GMFB: variants seen among roughly 807,000 people sequenced by gnomAD.
GMFB encodes the protein GMF-beta.
Under a neutral mutation model 25.6 loss-of-function variants are expected in GMFB, and 13 were observed. The observed-to-expected ratio is 0.51, with a 90% CI of 0.33 to 0.81. GMFB has a LOEUF of 0.81. Ranked by LOEUF, GMFB falls within the 30% of genes least tolerant of loss-of-function variation. The probability of loss-of-function intolerance (pLI) is 0.02; values close to 1 mark genes in which losing one functional copy is unlikely to be tolerated. For synonymous variants in GMFB, 57 were observed against 56.9 expected (o/e 1.00, Z 0.00); for missense variants, 146 against 175.4 (o/e 0.83, Z 0.95).
At chr14:54,482,037 G>A in intron 3 of GMFB, 116 bp downstream of exon 3, 1 of 676,036 alleles carries the variant, frequency 1.5e-6, no homozygotes, top group South Asian at 1.8e-5. Context: ...TGCATAATGA[G>A]CATGTATTTA....
intron 1 of GMFB, among the ~76,000 whole-genome samples, chr14:54,485,748 T>C (rs1435383724): frequency 3.3e-5 from 5 of 152,102 alleles, no homozygotes; most frequent in Non-Finnish European, 7.4e-5. Context: ...TACTTCAAAA[T>C]ATACTACAAA....
intron 1 of GMFB, among the ~76,000 whole-genome samples, chr14:54,487,759 A>C (rs2031807654): frequency 6.6e-6 from 1 of 152,222 alleles, no homozygotes; most frequent in Non-Finnish European, 1.5e-5. Flanking sequence ...CTCAGAAGCA[A>C]GGTCTTCTGA....
chr14:54,482,557 C>T lies in GMFB; in HGVS notation c.101-355G>A, dbSNP rs114258694. On this transcript the variant is annotated intron_variant, in intron 2 of 6. Coordinates refer to ENST00000358056, the MANE Select transcript of GMFB (RefSeq NM_004124.3). ...CTGTAACTGATTGGTCTATATGCAA[C>T]ATGGTCAGAACTGCAAGGGAAAAAG... Among the ~76,000 whole-genome samples, 279 of 152,262 alleles carry T rather than the reference C, an allele frequency of 1.8e-3. 1 individual carries two copies. The highest frequency in any genetic ancestry group is 6.5e-3 in the African/African-American group (270 of 41,548).
At chr14:54,486,363 G>C (rs1335937556) in intron 1 of GMFB, among the ~76,000 whole-genome samples, 1 of 152,166 alleles carries the variant, frequency 6.6e-6, no homozygotes, top group East Asian at 1.9e-4. Flanking sequence ...ACAACCACTA[G>C]AAGAAAACAC....
At chr14:54,488,644 G>T in intron 1 of GMFB, 1 of 412,206 alleles carries the variant, frequency 2.4e-6, no homozygotes. Context: ...GAAGGACCTG[G>T]CGTGGGGCCT....
rs367921399 is a variant in GMFB at position 54,481,411 on chromosome 14, A to G, written c.198T>C (p.Pro66=). ...TTAAAGCACTAAGAAAAGGATATCG[A>G]GGTTGTCGTTCAGGTAGTTCATCTT... ...ELKDELPERQ[P]RFIVYSYKYQ... The change falls in exon 4 of 7, where the codon CCT becomes CCC. Residue 66 remains proline, a splice_region_variant and synonymous_variant. Coordinates refer to ENST00000358056, the MANE Select transcript of GMFB (RefSeq NM_004124.3). The G allele has an allele frequency of 1.3e-6, 2 of 1,596,788 alleles. No individual in the cohort carries two copies. The highest frequency in any genetic ancestry group is 1.7e-6 in the Non-Finnish European group (2 of 1,164,674).
chr14:54,481,256 T>A, intron 4 of GMFB, 153 bp downstream of exon 4: 2 of 604,926 alleles, frequency 3.3e-6, no homozygotes, highest in South Asian at 4.4e-5. Flanking sequence ...TAAACCAACT[T>A]TTCATTTTTC....
chr14:54,487,851 G>A lies in GMFB; in HGVS notation c.3+1074C>T, dbSNP rs376724334. 3.9e-5 allele frequency among the ~76,000 whole-genome samples: 6 copies of A among 152,308 alleles called. No individual in the cohort carries two copies. The East Asian group carries it at 9.6e-4, about 24-fold the overall frequency. Reference sequence around the variant, plus strand: ...TGAAGAATACAGAATGGAAAATGAAGGATTAGGATGAAACCTGGGACTCCT... The same window carrying A: ...TGAAGAATACAGAATGGAAAATGAAAGATTAGGATGAAACCTGGGACTCCT... On this transcript the variant is annotated intron_variant, in intron 1 of 6. Transcript: ENST00000358056.
In GMFB at chr14:54,481,470, G is replaced by A. The variant is rs2031710409; in HGVS notation, c.151-12C>T. On this transcript the variant is annotated splice_polypyrimidine_tract_variant and intron_variant, in intron 3 of 6. Transcript: ENST00000358056. ...TCTGGTGAAATGCCCTGGCACCACA[G>A]AGAAAAGCAACTTTTAAACATTTTC... 6.3e-7 allele frequency: 1 copy of A among 1,597,748 alleles called. No homozygotes were observed. Among genetic ancestry groups the A allele is most frequent in the Admixed American group, 1.7e-5 (1 of 59,922 alleles).
rs527576298 is a variant in GMFB at position 54,475,977 on chromosome 14, G to A, written c.*2111C>T. On this transcript the variant is annotated 3_prime_UTR_variant, in exon 7 of 7. Coordinates refer to ENST00000358056, the MANE Select transcript of GMFB (RefSeq NM_004124.3). ...CAATGCAAAATTTAGTAAGATGAAA[G>A]GGAAATCTATATAAATGTTTGAGAA... 6.6e-6 allele frequency: 1 copy of A among 152,126 alleles called. No individual in the cohort carries two copies. Among genetic ancestry groups the A allele is most frequent in the East Asian group, 1.9e-4 (1 of 5,182 alleles). The allele number at this position is 152,126 out of a possible 1,614,324, so 9.4% of individuals were successfully genotyped here. A position where few individuals can be genotyped will look rare whatever the true frequency, so the allele number is the denominator to read the frequency against.
rs994727062 is a variant in GMFB at position 54,474,942 on chromosome 14, A to G, written c.*3146T>C. 3 of 152,606 alleles carry G rather than the reference A, an allele frequency of 2.0e-5. No homozygotes were observed. Among genetic ancestry groups the G allele is most frequent in the East Asian group, 1.9e-4 (1 of 5,202 alleles). The allele number at this position is 152,606 out of a possible 1,614,324, so 9.5% of individuals were successfully genotyped here. A position where few individuals can be genotyped will look rare whatever the true frequency, so the allele number is the denominator to read the frequency against. On this transcript the variant is annotated 3_prime_UTR_variant, in exon 7 of 7. Coordinates refer to ENST00000358056, the MANE Select transcript of GMFB (RefSeq NM_004124.3). ...AAGATTACTACATTCTTCCAGAAAT[A>G]CAAAATAAGATTTGTCCAGAAATGT...
rs2031615565 is a variant in GMFB, at chr14:54,474,866, C to A, written c.*3222G>T. 1 of 152,534 alleles carries A rather than the reference C, an allele frequency of 6.6e-6. No individual in the cohort carries two copies. Among genetic ancestry groups the A allele is most frequent in the African/African-American group, 2.4e-5 (1 of 41,436 alleles). The allele number at this position is 152,534 out of a possible 1,614,324, so 9.4% of individuals were successfully genotyped here. On this transcript the variant is annotated 3_prime_UTR_variant, in exon 7 of 7. Coordinates refer to ENST00000358056, the MANE Select transcript of GMFB (RefSeq NM_004124.3). Reference sequence around the variant, plus strand: ...GAAATGTCAAATGGCATAATAAAAACAAATTTCTCAAGAATATTCAGCTTG... The same window carrying A: ...GAAATGTCAAATGGCATAATAAAAAAAAATTTCTCAAGAATATTCAGCTTG...
At chr14:54,484,729 C>CA (rs1039231266) in intron 1 of GMFB, among the ~76,000 whole-genome samples, 20 of 150,548 alleles carry the variant, frequency 1.3e-4, no homozygotes, top group Admixed American at 3.3e-4. Context: ...TATACAACAA[C>CA]AAAAAAAAAC....
intron 2 of GMFB, among the ~76,000 whole-genome samples, chr14:54,482,741 A>G (rs1175312107): frequency 6.6e-6 from 1 of 152,210 alleles, no homozygotes; most frequent in Non-Finnish European, 1.5e-5. Context: ...CTAAATCAAA[A>G]TAAGTTTAGA....
rs2031682123 is a variant in GMFB, at chr14:54,479,475, C to T, written c.357+311G>A. ...GGTTCAGAGAAACTTCAATGCTGAC[C>T]CTTATCTATTAGAAATTACCTTATG... On this transcript the variant is annotated intron_variant, in intron 6 of 6. Transcript: ENST00000358056. 5 of 244,038 alleles carry T rather than the reference C, an allele frequency of 2.0e-5. No individual in the cohort carries two copies. In the South Asian group the frequency reaches 3.4e-4, roughly 16 times the overall value. The allele number at this position is 244,038 out of a possible 1,614,324, so 15.1% of individuals were successfully genotyped here. A position where few individuals can be genotyped will look rare whatever the true frequency, so the allele number is the denominator to read the frequency against.
chr14:54,475,779 G>T lies in GMFB; in HGVS notation c.*2309C>A, dbSNP rs1033364312. The stretch of plus-strand genomic sequence containing the variant: ...TAACACTGACTTAGAAGACCACGAA[G>T]GAGGATCCCAGGAAAAAAGTTGCTG... On this transcript the variant is annotated 3_prime_UTR_variant, in exon 7 of 7. Transcript: ENST00000358056. 1 of 152,468 alleles carries T rather than the reference G, an allele frequency of 6.6e-6. No homozygotes were observed. The highest frequency in any genetic ancestry group is 1.5e-5 in the Non-Finnish European group (1 of 67,950). 9.4% of individuals were successfully genotyped at this position (152,468 alleles called of 1,614,324 possible).
intron 1 of GMFB, 52 bp from the exon 2 acceptor site, chr14:54,483,819 A>C: frequency 1.0e-6 from 1 of 982,714 alleles, no homozygotes; most frequent in African/African-American, 1.6e-5. Flanking sequence ...ATATATGTAC[A>C]TGTTAAAGTT....
chr14:54,484,255 C>G, intron 1 of GMFB, among the ~76,000 whole-genome samples: 1 of 151,674 alleles, frequency 6.6e-6, no homozygotes, highest in Non-Finnish European at 1.5e-5. Context: ...GTTAAAAACC[C>G]CATAAGAGTA....
chr14:54,480,305 T>G, intron 5 of GMFB: 1 of 158,118 alleles, frequency 6.3e-6, no homozygotes. Flanking sequence ...CAGTATATTT[T>G]GAGTGGGAAG....
Sources: allele counts gnomAD v4.1 joint callset (sites outside exome capture counted in the v4.1 genomes callset), GRCh38; gene constraint gnomAD v4.1.1; transcripts MANE v1.5; gene names NCBI Gene and HGNC (gene_info 2026-07-23, HGNC 2026-07-21).